Variants in TRIM36 observed in about 807,000 individuals in gnomAD.
TRIM36 encodes E3 ubiquitin-protein ligase TRIM36.
TRIM36 carries 42 observed loss-of-function variants against 72.4 expected under a neutral mutation model. The observed-to-expected ratio is 0.58, with a 90% CI of 0.45 to 0.75. The LOEUF is 0.75. Among genes scored for constraint, TRIM36 ranks in the 30% least tolerant of loss-of-function variants. The pLI is 0.00. For synonymous variants in TRIM36, 315 were observed against 282.8 expected (o/e 1.11, Z -1.14); for missense variants, 913 against 857.1 (o/e 1.07, Z -0.81).
At chr5:115,134,368 A>G (rs1752853469) in intron 7 of TRIM36, among the ~76,000 whole-genome samples, 1 of 152,058 alleles carries the variant, frequency 6.6e-6, no homozygotes, top group Non-Finnish European at 1.5e-5. Flanking sequence ...GAGAAAGAAG[A>G]GTAAAAAAGA....
intron 9 of TRIM36, 144 bp from the exon 10 acceptor site, chr5:115,127,001 A>T: frequency 2.4e-6 from 2 of 837,106 alleles, no homozygotes. Flanking sequence ...CAAAAACATA[A>T]AAATGACACA....
rs1754791921 is a variant in TRIM36 at position 115,166,658 on chromosome 5, C to T, written c.28-2906G>A. Among the ~76,000 whole-genome samples the T allele has an allele frequency of 2.6e-5, 4 of 152,336 alleles. No homozygotes were observed. In the South Asian group the frequency reaches 8.3e-4, roughly 32 times the overall value. ...GCTGTAACACAAACTGTGTCAAATA[C>T]ACCCTGCTGCTCGCCATGTTGTGGG... On this transcript the variant is annotated intron_variant, in intron 1 of 9. Transcript: ENST00000513154.
intron 7 of TRIM36, among the ~76,000 whole-genome samples, chr5:115,135,542 A>T (rs1370236288): frequency 6.6e-6 from 1 of 151,634 alleles, no homozygotes; most frequent in Non-Finnish European, 1.5e-5. Flanking sequence ...AAGCTAGGTG[A>T]CTACTATCCC....
chr5:115,169,478 G>A (rs985488922), intron 1 of TRIM36, 130 bp downstream of exon 1: 10 of 998,732 alleles, frequency 1.0e-5, no homozygotes, highest in Admixed American at 3.1e-5. Flanking sequence ...AAGAGGAAGC[G>A]GGATCCCCAC....
rs977835235 is a variant in TRIM36 at position 115,125,992 on chromosome 5, T to A, written c.*511A>T. On this transcript the variant is annotated 3_prime_UTR_variant, in exon 10 of 10. Coordinates refer to ENST00000513154, the MANE Select transcript of TRIM36 (RefSeq NM_001300759.2). ...TTTTCCACTTAAATATACTACCACT[T>A]TTATGGTGTTTTTCTTTTAACCTAT... is the stretch of plus-strand genomic sequence containing the variant. 2.0e-5 allele frequency: 3 copies of A among 152,614 alleles called. No individual in the cohort carries two copies. Among genetic ancestry groups the A allele is most frequent in the Non-Finnish European group, 2.9e-5 (2 of 68,372 alleles). The allele number at this position is 152,614 out of a possible 1,614,324, so 9.5% of individuals were successfully genotyped here.
upstream of TRIM36, among the ~76,000 whole-genome samples, chr5:115,173,650 G>A (rs1184188891): frequency 1.3e-5 from 2 of 152,104 alleles, no homozygotes; most frequent in Admixed American, 1.3e-4. Context: ...TAGATGTTGA[G>A]CAGCTTTTGA....
At chr5:115,154,918 G>A (rs952315515) in intron 2 of TRIM36, among the ~76,000 whole-genome samples, 3 of 152,132 alleles carry the variant, frequency 2.0e-5, no homozygotes, top group Admixed American at 6.5e-5. Flanking sequence ...GGTGGCTCAC[G>A]ATTGTAATCC....
At chr5:115,174,668 T>C (rs1755257332), upstream of TRIM36, among the ~76,000 whole-genome samples, 2 of 152,192 alleles carry the variant, frequency 1.3e-5, no homozygotes, top group South Asian at 4.1e-4. Context: ...GAGCCTCCTT[T>C]ATTAGTTTTG....
At chr5:115,153,243 A>G (rs954538498) in intron 2 of TRIM36, among the ~76,000 whole-genome samples, 1 of 152,228 alleles carries the variant, frequency 6.6e-6, no homozygotes, top group Admixed American at 6.5e-5. Context: ...AGGTATTCTT[A>G]TATCAGACAA....
intron 3 of TRIM36, 93 bp from the exon 4 acceptor site, chr5:115,144,837 C>A: frequency 5.9e-6 from 8 of 1,349,250 alleles, no homozygotes; most frequent in East Asian, 2.5e-5. Flanking sequence ...TATAAAATCA[C>A]TAAATAAAGC....
chr5:115,164,836 G>A (rs1204282723), intron 1 of TRIM36, among the ~76,000 whole-genome samples: 1 of 152,170 alleles, frequency 6.6e-6, no homozygotes, highest in Non-Finnish European at 1.5e-5. Flanking sequence ...GACAAAGCAA[G>A]TCCCTTCTGC....
chr5:115,174,630 C>G (rs1755254272), upstream of TRIM36, among the ~76,000 whole-genome samples: 1 of 152,138 alleles, frequency 6.6e-6, no homozygotes. Context: ...CTGGCCAAAT[C>G]CTCCTCATCT....
intron 1 of TRIM36, chr5:115,177,626 G>A (rs1180600191): frequency 4.6e-6 from 7 of 1,533,520 alleles, no homozygotes; most frequent in African/African-American, 2.7e-5. Flanking sequence ...CTGGGGCTGC[G>A]GGGCGGGGCA....
chr5:115,147,628 C>T (rs137961914), intron 2 of TRIM36, among the ~76,000 whole-genome samples: 39 of 152,266 alleles, frequency 2.6e-4, no homozygotes, highest in African/African-American at 9.4e-4. Flanking sequence ...AAATATTCTA[C>T]AGTAAACCCA....
intron 4 of TRIM36, among the ~76,000 whole-genome samples, chr5:115,143,214 C>A (rs1353486760): frequency 3.5e-5 from 4 of 112,752 alleles, no homozygotes; most frequent in Non-Finnish European, 7.0e-5. Flanking sequence ...TGTTCCCCAC[C>A]AGCCAGACAA....
chr5:115,165,964 C>T (rs1219166643), intron 1 of TRIM36, among the ~76,000 whole-genome samples: 1 of 152,120 alleles, frequency 6.6e-6, no homozygotes, highest in Non-Finnish European at 1.5e-5. Flanking sequence ...CACACCAGCC[C>T]CCTGCCACCT....
Position 115,130,680 on chromosome 5 carries a change from G to A in TRIM36, c.1708C>T (p.Pro570Ser), listed in dbSNP as rs753990679. 6.2e-7 allele frequency: 1 copy of A among 1,614,150 alleles called. No homozygotes were observed. The highest frequency in any genetic ancestry group is 1.1e-5 in the South Asian group (1 of 91,082). Reference protein sequence around the residue: ...GKHFWAFRVEPYSYLVKVGVA... With the variant: ...GKHFWAFRVESYSYLVKVGVA... ...CCCACTTTTACCAGGTATGAATATG[G>A]TTCCACACGGAAGGCCCAGAAGTGT... Residue 570 changes from proline to serine, a missense_variant, in exon 9 of 10, where the codon CCA becomes TCA. Physicochemically the swap from Pro to Ser is moderately conservative, Grantham distance 74. Coordinates refer to ENST00000513154, the MANE Select transcript of TRIM36 (RefSeq NM_001300759.2).
chr5:115,130,634 A>T lies in TRIM36; in HGVS notation c.1754T>A (p.Leu585Gln). 6.2e-7 allele frequency: 1 copy of T among 1,614,190 alleles called. No individual in the cohort carries two copies. Among genetic ancestry groups the T allele is most frequent in the Non-Finnish European group, 8.5e-7 (1 of 1,180,012 alleles). Residue 585 changes from leucine to glutamine, a missense_variant, in exon 9 of 10, where the codon CTA (leucine) becomes CAA (glutamine). By Grantham distance (113) the Leu-to-Gln change is moderately radical. Coordinates refer to ENST00000513154, the MANE Select transcript of TRIM36 (RefSeq NM_001300759.2). ...VKVGVASSDK[L>Q]QEWLRSPRDA... ...CCGGGGAGAACGGAGCCATTCTTGT[A>T]GTTTATCGCTAGAAGCAACTCCCAC...
At position 115,151,690 on chromosome 5, in the gene TRIM36, G is replaced by A. The variant is rs548926824; in HGVS notation, c.263-4296C>T. Among the ~76,000 whole-genome samples, 4 of 152,316 alleles carry A rather than the reference G, an allele frequency of 2.6e-5. No homozygotes were observed. The East Asian group carries it at 5.8e-4, about 22-fold the overall frequency. On this transcript the variant is annotated intron_variant, in intron 2 of 9. Coordinates refer to ENST00000513154, the MANE Select transcript of TRIM36 (RefSeq NM_001300759.2). ...GGTATCCATGGCTGAAAGACCCAAAGATGGTTCACATCACAGGACTGTGGG... is the reference window on the plus strand; with the variant it reads ...GGTATCCATGGCTGAAAGACCCAAAAATGGTTCACATCACAGGACTGTGGG...
Sources: gnomAD v4.1 joint callset for allele counts (sites outside exome capture counted in the v4.1 genomes callset) on GRCh38, gnomAD v4.1.1 for gene constraint, MANE v1.5 for transcripts, NCBI Gene and HGNC (gene_info 2026-07-23, HGNC 2026-07-21) for gene names.